Variants in XRCC4 observed in about 807,000 individuals in gnomAD.
XRCC4 encodes the protein X-ray repair cross complementing 4, also known as DNA repair protein XRCC4.
Under a neutral mutation model 39.1 loss-of-function variants are expected in XRCC4, and 28 were observed. That is an observed-to-expected ratio of 0.72 (90% CI 0.53 to 0.98). The LOEUF is 0.98. Ranked by LOEUF, XRCC4 falls within the 50% of genes least tolerant of loss-of-function variation. The probability of loss-of-function intolerance (pLI) is 0.00; values close to 1 mark genes in which losing one functional copy is unlikely to be tolerated. For synonymous variants in XRCC4, 123 were observed against 126.4 expected (o/e 0.97, Z 0.18); for missense variants, 350 against 376.4 (o/e 0.93, Z 0.58).
downstream of XRCC4, among the ~76,000 whole-genome samples, chr5:83,358,431 T>A (rs922546913): frequency 3.9e-5 from 6 of 152,252 alleles, 1 homozygote; most frequent in South Asian, 1.2e-3. Flanking sequence ...TCAATATGAA[T>A]TTTATGTTAA....
At chr5:83,109,705 T>A (rs2112394419) in intron 2 of XRCC4, among the ~76,000 whole-genome samples, 1 of 151,996 alleles carries the variant, frequency 6.6e-6, no homozygotes, top group Middle Eastern at 3.4e-3. Flanking sequence ...TGATGAGAAT[T>A]AAAGCTTACT....
At chr5:83,144,882 T>C (rs1399077375) in intron 3 of XRCC4, among the ~76,000 whole-genome samples, 1 of 152,138 alleles carries the variant, frequency 6.6e-6, no homozygotes, top group Non-Finnish European at 1.5e-5. Flanking sequence ...TGTATTTTCA[T>C]TTGTCATGAT....
intron 2 of XRCC4, among the ~76,000 whole-genome samples, chr5:83,106,387 T>C (rs563021086): frequency 6.6e-6 from 1 of 152,204 alleles, no homozygotes; most frequent in Non-Finnish European, 1.5e-5. Context: ...TTTATAACTT[T>C]AGGTATTTCT....
Position 83,171,809 on chromosome 5 carries a change from C to A in XRCC4, c.316-23961C>A, listed in dbSNP as rs183683822. On this transcript the variant is annotated intron_variant, in intron 3 of 7. Coordinates refer to ENST00000396027, the MANE Select transcript of XRCC4 (RefSeq NM_003401.5). The stretch of plus-strand genomic sequence containing the variant: ...CATGATTGCATTTCAGTTTCTCCTG[C>A]CAGATTATAATTTTCACAAGGACAG... Among the ~76,000 whole-genome samples the A allele has an allele frequency of 3.6e-4, 55 of 152,232 alleles. No homozygotes were observed. The East Asian group carries it at 9.9e-3, about 27-fold the overall frequency.
intron 3 of XRCC4, among the ~76,000 whole-genome samples, chr5:83,119,777 G>A (rs10036501): frequency 6.6e-6 from 1 of 151,880 alleles, no homozygotes; most frequent in Non-Finnish European, 1.5e-5. Context: ...TTCAAGACCA[G>A]CCTGGACAAT....
chr5:83,164,702 T>C (rs115247622), intron 3 of XRCC4, among the ~76,000 whole-genome samples: 2,214 of 152,268 alleles, frequency 0.015, 62 homozygotes, highest in African/African-American at 0.051. Context: ...ATACAATTTT[T>C]ATTTCCCAAT....
intron 3 of XRCC4, among the ~76,000 whole-genome samples, chr5:83,122,411 C>G (rs1747052637): frequency 6.6e-6 from 1 of 152,094 alleles, no homozygotes; most frequent in Non-Finnish European, 1.5e-5. Flanking sequence ...CAGCTCCTAA[C>G]AGGCATCCAA....
At chr5:83,311,605 G>A (rs1329614582) in intron 7 of XRCC4, among the ~76,000 whole-genome samples, 2 of 151,750 alleles carry the variant, frequency 1.3e-5, no homozygotes, top group Middle Eastern at 3.2e-3. Flanking sequence ...AATAATGTCA[G>A]CAATAAAAGA....
chr5:83,198,205 C>A (rs1169396058), intron 4 of XRCC4, among the ~76,000 whole-genome samples: 1 of 152,028 alleles, frequency 6.6e-6, no homozygotes, highest in South Asian at 2.1e-4. Flanking sequence ...TTGGGGGAAG[C>A]CTCCGATTAT....
At chr5:83,152,050 T>C (rs915187621) in intron 3 of XRCC4, among the ~76,000 whole-genome samples, 6 of 152,202 alleles carry the variant, frequency 3.9e-5, no homozygotes, top group Non-Finnish European at 5.9e-5. Context: ...AACCTACATA[T>C]TACAAAACAT....
intron 1 of XRCC4, among the ~76,000 whole-genome samples, chr5:83,079,982 A>G (rs1744862388): frequency 6.6e-6 from 1 of 152,186 alleles, no homozygotes; most frequent in Admixed American, 6.5e-5. Flanking sequence ...TGTTATGAGG[A>G]TTACATGAGT....
chr5:83,258,176 T>A (rs1164742726), intron 6 of XRCC4, among the ~76,000 whole-genome samples: 1 of 152,112 alleles, frequency 6.6e-6, no homozygotes, highest in East Asian at 1.9e-4. Context: ...ATCTCAGAAC[T>A]TAAAAGATAA....
intron 3 of XRCC4, among the ~76,000 whole-genome samples, chr5:83,129,194 G>A (rs1330797257): frequency 7.0e-6 from 1 of 143,462 alleles, no homozygotes; most frequent in Admixed American, 6.9e-5. Flanking sequence ...TTCTACATAT[G>A]GCTAGCCAGT....
intron 3 of XRCC4, among the ~76,000 whole-genome samples, chr5:83,185,375 A>C (rs115311774): frequency 0.028 from 4,261 of 150,824 alleles, 83 homozygotes; most frequent in African/African-American, 0.056. Flanking sequence ...TAAAAAAAAA[A>C]AACAACACTT....
At chr5:83,164,259 G>A (rs1345872730) in intron 3 of XRCC4, among the ~76,000 whole-genome samples, 3 of 152,016 alleles carry the variant, frequency 2.0e-5, no homozygotes, top group African/African-American at 7.2e-5. Context: ...TATTCTATCA[G>A]TACAGCCCAT....
At chr5:83,192,571 A>G (rs1227281608) in intron 3 of XRCC4, among the ~76,000 whole-genome samples, 1 of 152,040 alleles carries the variant, frequency 6.6e-6, no homozygotes, top group African/African-American at 2.4e-5. Flanking sequence ...TCGGCCTCCC[A>G]AAGTGCTAGG....
intron 3 of XRCC4, among the ~76,000 whole-genome samples, chr5:83,147,779 A>T (rs1273949929): frequency 6.8e-6 from 1 of 146,896 alleles, no homozygotes; most frequent in East Asian, 2.0e-4. Flanking sequence ...TGCGCAATGT[A>T]TATATATTTC....
downstream of XRCC4, among the ~76,000 whole-genome samples, chr5:83,354,001 C>T (rs963369992): frequency 2.6e-5 from 4 of 152,168 alleles, no homozygotes; most frequent in East Asian, 3.8e-4. Flanking sequence ...TTTGTAGTCA[C>T]TGTTTCTGCT....
chr5:83,078,116 G>A (rs1180053332), intron 1 of XRCC4, among the ~76,000 whole-genome samples: 2 of 152,196 alleles, frequency 1.3e-5, no homozygotes, highest in Non-Finnish European at 2.9e-5. Flanking sequence ...TGCCGTTTGC[G>A]GACTGCAGCG....
Sources: gnomAD v4.1 joint callset for allele counts (sites outside exome capture counted in the v4.1 genomes callset) on GRCh38, gnomAD v4.1.1 for gene constraint, MANE v1.5 for transcripts, NCBI Gene and HGNC (gene_info 2026-07-23, HGNC 2026-07-21) for gene names.